NRXN3: variants seen among roughly 807,000 people sequenced by gnomAD.
NRXN3 encodes the protein neurexin 3, also known as neurexin III.
A neutral mutation model predicts 137.6 loss-of-function variants in NRXN3; 32 were observed. The observed-to-expected ratio is 0.23, with a 90% CI of 0.18 to 0.31. The LOEUF (loss-of-function observed/expected upper bound fraction) is 0.31. Ranked by LOEUF, NRXN3 falls within the 10% of genes least tolerant of loss-of-function variation. NRXN3 has a pLI of 1.00. For missense variants in NRXN3, 1,574 were observed against 2,062.5 expected, an observed-to-expected ratio of 0.76 and a Z score of 4.59; for synonymous variants, 798 against 784.5, an observed-to-expected ratio of 1.02 and a Z score of -0.29.
chr14:79,318,800 C>T (rs562489392), intron 15 of NRXN3, among the ~76,000 whole-genome samples: 1 of 152,264 alleles, frequency 6.6e-6, no homozygotes, highest in Admixed American at 6.5e-5. Flanking sequence ...TGTGATTATT[C>T]ACCAGGGAAC....
chr14:79,502,459 A>G (rs2153674660), intron 16 of NRXN3, among the ~76,000 whole-genome samples: 1 of 152,184 alleles, frequency 6.6e-6, no homozygotes, highest in South Asian at 2.1e-4. Flanking sequence ...TTTTGTTCAT[A>G]AGAAAAAACA....
Position 79,673,984 on chromosome 14 carries a change from G to A in NRXN3, c.3616+10035G>A, listed in dbSNP as rs887457552. On this transcript the variant is annotated intron_variant, in intron 17 of 20. Transcript: ENST00000335750. ...CTTAGAAGGCAAACCCAAAGCTCCC[G>A]TACGCTGCCCTATCTTGAACCTACA... 5.9e-5 allele frequency among the ~76,000 whole-genome samples: 9 copies of A among 152,008 alleles called. No individual in the cohort carries two copies. The East Asian group carries it at 1.4e-3, about 23-fold the overall frequency.
At chr14:78,532,872 A>G (rs544590603) in intron 4 of NRXN3, among the ~76,000 whole-genome samples, 1 of 152,120 alleles carries the variant, frequency 6.6e-6, no homozygotes, top group African/African-American at 2.4e-5. Flanking sequence ...CTATTCTTCG[A>G]GTATTTACCA....
intron 16 of NRXN3, among the ~76,000 whole-genome samples, chr14:79,604,667 T>C (rs1445501430): frequency 6.6e-6 from 1 of 152,172 alleles, no homozygotes; most frequent in East Asian, 1.9e-4. Context: ...CCATTTTGTA[T>C]AAGAAGATAA....
intron 1 of NRXN3, among the ~76,000 whole-genome samples, chr14:78,183,723 T>C (rs2060005671): frequency 6.6e-6 from 1 of 152,192 alleles, no homozygotes; most frequent in Admixed American, 6.5e-5. Flanking sequence ...GGGGAGAAGC[T>C]AGAAGTGGGC....
At chr14:78,840,214 A>C (rs1434039466) in intron 10 of NRXN3, among the ~76,000 whole-genome samples, 1 of 152,188 alleles carries the variant, frequency 6.6e-6, no homozygotes, top group Non-Finnish European at 1.5e-5. Flanking sequence ...TGTCATTGCC[A>C]TTGTCAAAGA....
chr14:78,325,276 G>T (rs2079920022), intron 4 of NRXN3, among the ~76,000 whole-genome samples: 1 of 151,912 alleles, frequency 6.6e-6, no homozygotes, highest in South Asian at 2.1e-4. Flanking sequence ...GAGCCATGGT[G>T]GTCCTTATAG....
intron 15 of NRXN3, among the ~76,000 whole-genome samples, chr14:79,365,903 A>C (rs951488942): frequency 3.3e-5 from 5 of 152,072 alleles, no homozygotes; most frequent in African/African-American, 1.2e-4. Flanking sequence ...GAAAGAGGTT[A>C]AGATCAGACC....
At chr14:79,383,095 C>T (rs2094515610) in intron 15 of NRXN3, among the ~76,000 whole-genome samples, 2 of 152,058 alleles carry the variant, frequency 1.3e-5, no homozygotes, top group South Asian at 4.1e-4. Flanking sequence ...GCACTGGTCT[C>T]TTGTTTCTTC....
chr14:78,299,668 T>G (rs2076689416), intron 4 of NRXN3, among the ~76,000 whole-genome samples: 1 of 152,150 alleles, frequency 6.6e-6, no homozygotes, highest in Non-Finnish European at 1.5e-5. Context: ...GCAGACACAC[T>G]GATGCAGCAT....
intron 16 of NRXN3, among the ~76,000 whole-genome samples, chr14:79,613,594 G>C (rs1383083011): frequency 1.3e-5 from 2 of 152,166 alleles, no homozygotes; most frequent in Non-Finnish European, 2.9e-5. Context: ...CCAGTGATTA[G>C]GTGTTGCCCA....
At chr14:79,084,842 C>G (rs1264835614) in intron 15 of NRXN3, among the ~76,000 whole-genome samples, 1 of 152,032 alleles carries the variant, frequency 6.6e-6, no homozygotes, top group Non-Finnish European at 1.5e-5. Context: ...GTTTAAACCC[C>G]TTGTGGCATT....
At chr14:78,331,504 G>T (rs559918772) in intron 4 of NRXN3, among the ~76,000 whole-genome samples, 1 of 152,286 alleles carries the variant, frequency 6.6e-6, no homozygotes, top group African/African-American at 2.4e-5. Context: ...GAACGTGGCC[G>T]CATGAGGTAG....
intron 20 of NRXN3, among the ~76,000 whole-genome samples, chr14:79,808,255 A>AAAAAAAAAAAAAT (rs1555750671): frequency 1.6e-5 from 2 of 123,984 alleles, no homozygotes; most frequent in African/African-American, 6.6e-5. Context: ...AAAAAAAAAA[A>AAAAAAAAAAAAAT]ATATATATAT....
chr14:78,821,071 C>T (rs1463049066), intron 10 of NRXN3, among the ~76,000 whole-genome samples: 5 of 151,880 alleles, frequency 3.3e-5, no homozygotes, highest in Non-Finnish European at 7.4e-5. Flanking sequence ...CTCTTTTGTC[C>T]CCTAAATCAA....
chr14:78,287,685 A>G (rs557278724), intron 3 of NRXN3, among the ~76,000 whole-genome samples: 1 of 152,226 alleles, frequency 6.6e-6, no homozygotes, highest in Admixed American at 6.5e-5. Flanking sequence ...AGCCTCCACC[A>G]CCTGTATGGC....
At chr14:78,678,658 C>G (rs1239401445) in intron 6 of NRXN3, among the ~76,000 whole-genome samples, 1 of 152,066 alleles carries the variant, frequency 6.6e-6, no homozygotes, top group Non-Finnish European at 1.5e-5. Flanking sequence ...TTTGGTATTG[C>G]CAATAAATCA....
At chr14:78,279,792 A>G (rs992932587) in intron 3 of NRXN3, 29 of 152,198 alleles carry the variant, frequency 1.9e-4, no homozygotes, top group African/African-American at 7.0e-4. Context: ...GCTTAGAGAT[A>G]CTTGACATTT....
intron 15 of NRXN3, among the ~76,000 whole-genome samples, chr14:79,207,202 A>C (rs553120609): frequency 2.0e-5 from 3 of 152,230 alleles, no homozygotes; most frequent in Non-Finnish European, 4.4e-5. Context: ...TTCTCAGTAC[A>C]TAAGTGTCAT....
Sources: gnomAD v4.1 joint callset for allele counts (sites outside exome capture counted in the v4.1 genomes callset) on GRCh38, gnomAD v4.1.1 for gene constraint, MANE v1.5 for transcripts, NCBI Gene and HGNC (gene_info 2026-07-23, HGNC 2026-07-21) for gene names.